CADM2: variants seen among roughly 807,000 people sequenced by gnomAD.
CADM2 encodes the protein cell adhesion molecule 2, also known as immunoglobulin superfamily member 4D.
In CADM2, 12 loss-of-function variants were observed where a neutral mutation model predicts 49.8. The observed-to-expected ratio is 0.24, with a 90% CI of 0.15 to 0.39. CADM2 has a LOEUF of 0.39. Ranked by LOEUF, CADM2 falls within the 10% of genes least tolerant of loss-of-function variation. The pLI is 1.00. For missense variants in CADM2, 378 were observed against 492.3 expected (o/e 0.77, Z 2.20); for synonymous variants, 214 against 175.4 (o/e 1.22, Z -1.74).
At chr3:85,481,609 G>A (rs1192955930) in intron 1 of CADM2, among the ~76,000 whole-genome samples, 1 of 151,584 alleles carries the variant, frequency 6.6e-6, no homozygotes, top group African/African-American at 2.4e-5. Context: ...CGGGTGAGGG[G>A]TTGGGGGTGA....
intron 1 of CADM2, among the ~76,000 whole-genome samples, chr3:85,395,110 C>A (rs2034707719): frequency 6.7e-6 from 1 of 149,942 alleles, no homozygotes; most frequent in African/African-American, 2.5e-5. Flanking sequence ...CATAGGGAGA[C>A]CCCATCTCTA....
At chr3:84,982,234 G>C (rs1457876855) in intron 1 of CADM2, among the ~76,000 whole-genome samples, 2 of 152,110 alleles carry the variant, frequency 1.3e-5, no homozygotes, top group Admixed American at 1.3e-4. Context: ...GATAGAATAT[G>C]TATATAGTCA....
At chr3:85,586,455 A>T (rs2062949186) in intron 1 of CADM2, among the ~76,000 whole-genome samples, 1 of 152,150 alleles carries the variant, frequency 6.6e-6, no homozygotes. Flanking sequence ...AAGGAAAAAT[A>T]AAATGATAAT....
At chr3:85,763,190 T>C (rs1171875070) in intron 2 of CADM2, among the ~76,000 whole-genome samples, 1 of 152,152 alleles carries the variant, frequency 6.6e-6, no homozygotes, top group Non-Finnish European at 1.5e-5. Flanking sequence ...GCAATGAACC[T>C]GGATCCAGAA....
chr3:85,120,046 C>CA (rs879272982), intron 1 of CADM2, among the ~76,000 whole-genome samples: 10 of 152,096 alleles, frequency 6.6e-5, no homozygotes, highest in Non-Finnish European at 1.3e-4. Flanking sequence ...AGACATTTCT[C>CA]AAAAGAAGAT....
intron 3 of CADM2, among the ~76,000 whole-genome samples, chr3:85,819,130 A>G (rs887014014): frequency 5.3e-5 from 8 of 152,092 alleles, no homozygotes; most frequent in African/African-American, 1.4e-4. Flanking sequence ...AAGTCAAAGA[A>G]CCTAGAGTCC....
chr3:85,932,760 G>A (rs894227422), intron 6 of CADM2, among the ~76,000 whole-genome samples: 3 of 151,958 alleles, frequency 2.0e-5, no homozygotes, highest in African/African-American at 4.8e-5. Context: ...TTATTTATAT[G>A]GAAAGATAGG....
intron 1 of CADM2, among the ~76,000 whole-genome samples, chr3:85,660,137 C>T (rs2065354365): frequency 6.6e-6 from 1 of 152,104 alleles, no homozygotes; most frequent in Admixed American, 6.6e-5. Flanking sequence ...CTAGGGCAGG[C>T]TCTCAGTGAG....
rs918160104 is a variant in CADM2, at chr3:85,895,444, C to A, written c.529+9117C>A. 3.3e-5 allele frequency among the ~76,000 whole-genome samples: 5 copies of A among 152,196 alleles called. No homozygotes were observed. In the South Asian group the frequency reaches 1.0e-3, roughly 31 times the overall value. ...TACCCCCATTGTATCTAAGAAGTAA[C>A]TAACTACATTTGATTTTACAGGCTC... On this transcript the variant is annotated intron_variant, in intron 5 of 9. Transcript: ENST00000383699.
At chr3:85,675,435 CTT>C (rs2065862832) in intron 1 of CADM2, among the ~76,000 whole-genome samples, 1 of 152,052 alleles carries the variant, frequency 6.6e-6, no homozygotes, top group Non-Finnish European at 1.5e-5. Flanking sequence ...TAAGGAGAAA[CTT>C]AATGTTAAAA....
intron 3 of CADM2, among the ~76,000 whole-genome samples, chr3:85,847,411 A>G (rs959318375): frequency 6.6e-5 from 10 of 152,224 alleles, no homozygotes; most frequent in Non-Finnish European, 1.3e-4. Context: ...TGATTAGCAC[A>G]TGGCAAGATT....
At chr3:85,527,157 A>G (rs1576722647) in intron 1 of CADM2, among the ~76,000 whole-genome samples, 1 of 152,136 alleles carries the variant, frequency 6.6e-6, no homozygotes, top group East Asian at 2.0e-4. Context: ...ATGCCAGGAA[A>G]GTAGGATAGC....
intron 1 of CADM2, among the ~76,000 whole-genome samples, chr3:85,349,451 GT>G (rs1486789138): frequency 5.3e-5 from 8 of 152,074 alleles, no homozygotes; most frequent in Admixed American, 4.6e-4. Flanking sequence ...CTAAAGCTAA[GT>G]TTTTGTTTTG....
chr3:85,847,955 T>G (rs2074948905), intron 3 of CADM2, among the ~76,000 whole-genome samples: 1 of 152,174 alleles, frequency 6.6e-6, no homozygotes, highest in African/African-American at 2.4e-5. Flanking sequence ...AATTTATTAG[T>G]TATTTGATAA....
intron 3 of CADM2, among the ~76,000 whole-genome samples, chr3:85,861,795 A>G (rs921332455): frequency 2.0e-5 from 3 of 152,038 alleles, no homozygotes; most frequent in Non-Finnish European, 4.4e-5. Flanking sequence ...ATGGGGGTGG[A>G]TAGAATATTT....
intron 1 of CADM2, among the ~76,000 whole-genome samples, chr3:85,004,909 C>CTGAT (rs370216998): frequency 8.2e-4 from 125 of 152,230 alleles, no homozygotes; most frequent in African/African-American, 2.6e-3. Context: ...GTGGCAAATA[C>CTGAT]TGATGTCCAG....
intron 1 of CADM2, among the ~76,000 whole-genome samples, chr3:85,216,976 C>T (rs1050397903): frequency 1.3e-5 from 2 of 151,868 alleles, no homozygotes; most frequent in Admixed American, 1.3e-4. Flanking sequence ...GAAAGAAATA[C>T]ATACAATTTA....
chr3:85,543,420 A>ATGTGTGTGGGGGTGTGTGTG (rs372108050), intron 1 of CADM2, among the ~76,000 whole-genome samples: 7,974 of 129,554 alleles, frequency 0.062, 412 homozygotes, highest in Middle Eastern at 0.11. Flanking sequence ...TGCCAAGCTA[A>ATGTGTGTGGGGGTGTGTGTG]TGTGTGTGTG....
At chr3:85,772,039 T>C (rs1290182806) in intron 2 of CADM2, among the ~76,000 whole-genome samples, 1 of 145,188 alleles carries the variant, frequency 6.9e-6, no homozygotes, top group South Asian at 2.2e-4. Flanking sequence ...GGTACGTGTA[T>C]AAAATGTATT....
Sources: allele counts gnomAD v4.1 joint callset (sites outside exome capture counted in the v4.1 genomes callset), GRCh38; gene constraint gnomAD v4.1.1; transcripts MANE v1.5; gene names NCBI Gene and HGNC (gene_info 2026-07-23, HGNC 2026-07-21).